Variants in ANO2 observed in about 807,000 individuals in gnomAD.
ANO2 encodes anoctamin 2, also known as anoctamin-2.
A neutral mutation model predicts 124.2 loss-of-function variants in ANO2; 101 were observed. That is an observed-to-expected ratio of 0.81 (90% CI 0.69 to 0.96). The LOEUF (loss-of-function observed/expected upper bound fraction) is 0.96, where lower values mean the gene tolerates loss of function less well. ANO2 is among the 40% of genes least tolerant of loss of function. The pLI, the probability that ANO2 is intolerant of heterozygous loss-of-function variation, is 0.00. For missense variants in ANO2, 1,293 were observed against 1,274.5 expected (o/e 1.01, Z -0.22); for synonymous variants, 486 against 482.5 (o/e 1.01, Z -0.09).
rs117702733 is a variant in ANO2 at position 5,588,072 on chromosome 12, G to T, written c.2234-9554C>A. ...GAAAGAGGCTGACAGCTGAGAGCTG[G>T]GCCGGGGATCACCATGTCAAGCACA... is the stretch of plus-strand genomic sequence containing the variant. On this transcript the variant is annotated intron_variant, in intron 20 of 24. Transcript: ENST00000682330. Among the ~76,000 whole-genome samples, 251 of 152,132 alleles carry T rather than the reference G, an allele frequency of 1.6e-3. 3 individuals are homozygous for T. The East Asian group carries it at 0.041, about 25-fold the overall frequency.
At chr12:5,808,312 C>T (rs1167545599) in intron 7 of ANO2, among the ~76,000 whole-genome samples, 1 of 152,236 alleles carries the variant, frequency 6.6e-6, no homozygotes, top group African/African-American at 2.4e-5. Context: ...CTCCATTATA[C>T]TCACAACAGA....
At chr12:5,923,310 A>C (rs1380999919) in intron 1 of ANO2, among the ~76,000 whole-genome samples, 2 of 151,994 alleles carry the variant, frequency 1.3e-5, no homozygotes, top group Non-Finnish European at 2.9e-5. Flanking sequence ...CACCAGCAGG[A>C]GCTCCTTCGG....
chr12:5,661,347 C>G (rs953967045), intron 14 of ANO2, among the ~76,000 whole-genome samples: 2 of 152,150 alleles, frequency 1.3e-5, no homozygotes, highest in African/African-American at 4.8e-5. Context: ...GATGAAATCT[C>G]CTCTTATTCT....
At chr12:5,728,654 A>C (rs1393350422) in intron 14 of ANO2, among the ~76,000 whole-genome samples, 2 of 152,180 alleles carry the variant, frequency 1.3e-5, no homozygotes, top group African/African-American at 4.8e-5. Flanking sequence ...TGAAGTTCAT[A>C]TGGAAATGCA....
chr12:5,705,472 C>T (rs1233891978), intron 14 of ANO2, among the ~76,000 whole-genome samples: 3 of 152,170 alleles, frequency 2.0e-5, no homozygotes, highest in Non-Finnish European at 4.4e-5. Context: ...TCACGTGAAT[C>T]TATCCACACA....
intron 3 of ANO2, among the ~76,000 whole-genome samples, chr12:5,864,634 G>A (rs547580028): frequency 1.9e-4 from 29 of 152,318 alleles, no homozygotes; most frequent in Non-Finnish European, 3.5e-4. Flanking sequence ...GAGAGCAATG[G>A]GCAAAGGGGT....
intron 1 of ANO2, among the ~76,000 whole-genome samples, chr12:5,928,474 A>G (rs1360956916): frequency 6.9e-6 from 1 of 145,216 alleles, no homozygotes; most frequent in African/African-American, 2.5e-5. Context: ...CTTCGTCACT[A>G]GTCTACTTTC....
chr12:5,748,070 G>C (rs1240483003), intron 11 of ANO2, among the ~76,000 whole-genome samples: 1 of 152,170 alleles, frequency 6.6e-6, no homozygotes, highest in Non-Finnish European at 1.5e-5. Context: ...GTGTGTGAAT[G>C]TGGGTGTGTG....
At chr12:5,703,044 G>C (rs942659551) in intron 14 of ANO2, among the ~76,000 whole-genome samples, 3 of 152,066 alleles carry the variant, frequency 2.0e-5, no homozygotes, top group African/African-American at 7.2e-5. Context: ...ATATGTAAGA[G>C]GATTCATAAC....
chr12:5,829,959 CAT>C (rs1310820317), intron 6 of ANO2, among the ~76,000 whole-genome samples: 4 of 152,158 alleles, frequency 2.6e-5, no homozygotes, highest in African/African-American at 9.7e-5. Flanking sequence ...TAGAAATTCA[CAT>C]GACTCTGTCA....
intron 14 of ANO2, among the ~76,000 whole-genome samples, chr12:5,729,932 G>A (rs78945888): frequency 0.12 from 17,531 of 152,198 alleles, 1,101 homozygotes; most frequent in African/African-American, 0.15. Context: ...TACCATTTAC[G>A]TGAAAGTCCA....
intron 3 of ANO2, among the ~76,000 whole-genome samples, chr12:5,874,710 T>C (rs570879898): frequency 6.6e-6 from 1 of 152,332 alleles, no homozygotes; most frequent in African/African-American, 2.4e-5. Context: ...AGCCAGATCC[T>C]CCAGCTCATC....
At position 5,562,730 on chromosome 12, in the gene ANO2, C is replaced by T. The variant is rs924320186; in HGVS notation, c.*569G>A. The T allele has an allele frequency of 6.6e-6, 1 of 152,574 alleles. No homozygotes were observed. Among genetic ancestry groups the T allele is most frequent in the Admixed American group, 6.5e-5 (1 of 15,306 alleles). 9.5% of individuals were successfully genotyped at this position (152,574 alleles called of 1,614,324 possible). A position where few individuals can be genotyped will look rare whatever the true frequency, so the allele number is the denominator to read the frequency against. On this transcript the variant is annotated 3_prime_UTR_variant, in exon 25 of 25. Coordinates refer to ENST00000682330, the MANE Select transcript of ANO2 (RefSeq NM_001364791.2). ...TAAAATGATGGTTATCTGCATTTAGCTCCAAACGTTTTTGTGACGTGAAGT... is the reference window on the plus strand; with the variant it reads ...TAAAATGATGGTTATCTGCATTTAGTTCCAAACGTTTTTGTGACGTGAAGT...
intron 7 of ANO2, 167 bp downstream of exon 7, chr12:5,827,602 C>A: frequency 1.3e-6 from 1 of 777,942 alleles, no homozygotes; most frequent in Non-Finnish European, 2.1e-6. Flanking sequence ...GGGACCCCCG[C>A]TGCTCCTGGG....
intron 16 of ANO2, among the ~76,000 whole-genome samples, chr12:5,627,143 T>TC (rs1456096816): frequency 2.2e-3 from 339 of 152,314 alleles, no homozygotes; most frequent in African/African-American, 7.9e-3. Context: ...ATAACCGTAC[T>TC]CACATCGTTT....
chr12:5,649,861 G>A (rs1412562008), intron 14 of ANO2, among the ~76,000 whole-genome samples: 2 of 152,066 alleles, frequency 1.3e-5, no homozygotes, highest in Non-Finnish European at 2.9e-5. Flanking sequence ...AGCCAGGATG[G>A]TCTCGATCTC....
At chr12:5,791,960 T>C (rs1238709921) in intron 10 of ANO2, among the ~76,000 whole-genome samples, 1 of 152,110 alleles carries the variant, frequency 6.6e-6, no homozygotes, top group Non-Finnish European at 1.5e-5. Context: ...TATATTGTAA[T>C]AGAAATAATT....
intron 14 of ANO2, among the ~76,000 whole-genome samples, chr12:5,714,187 C>T (rs1463658443): frequency 6.6e-6 from 1 of 152,198 alleles, no homozygotes; most frequent in Non-Finnish European, 1.5e-5. Context: ...CTGGCAAAGG[C>T]TTGAAGGACA....
intron 10 of ANO2, among the ~76,000 whole-genome samples, chr12:5,761,629 T>G (rs1196558860): frequency 6.6e-6 from 1 of 152,218 alleles, no homozygotes; most frequent in African/African-American, 2.4e-5. Context: ...CATGTGTACA[T>G]CTATGTTTAC....
Sources: allele counts gnomAD v4.1 joint callset (sites outside exome capture counted in the v4.1 genomes callset), GRCh38; gene constraint gnomAD v4.1.1; transcripts MANE v1.5; gene names NCBI Gene and HGNC (gene_info 2026-07-23, HGNC 2026-07-21).